Variants in PRR14L observed in about 807,000 individuals in gnomAD.
PRR14L encodes the protein proline rich 14 like.
A neutral mutation model predicts 155.0 loss-of-function variants in PRR14L; 80 were observed. The observed-to-expected ratio is 0.52, with a 90% CI of 0.43 to 0.62. The LOEUF is 0.62. PRR14L is among the 20% of genes least tolerant of loss of function. PRR14L has a pLI of 0.00. For synonymous variants in PRR14L, 883 were observed against 916.0 expected, an observed-to-expected ratio of 0.96 and a Z score of 0.65; for missense variants, 2,469 against 2,548.0, an observed-to-expected ratio of 0.97 and a Z score of 0.67.
intron 8 of PRR14L, among the ~76,000 whole-genome samples, chr22:31,687,949 G>A (rs577573662): frequency 1.1e-3 from 171 of 150,574 alleles, no homozygotes; most frequent in African/African-American, 3.9e-3. Context: ...GGAGAATGGC[G>A]TGAACCCAGG....
chr22:31,727,531 G>A (rs763637623), intron 2 of PRR14L, among the ~76,000 whole-genome samples: 2 of 151,822 alleles, frequency 1.3e-5, no homozygotes, highest in Non-Finnish European at 1.5e-5. Context: ...CACCATGCGC[G>A]GCTGATTAGC....
At position 31,715,107 on chromosome 22, in the gene PRR14L, G is replaced by T; in HGVS notation, c.2732C>A (p.Ser911Tyr). ...EGLEGKEQDV[S>Y]KETVFCKYNI... ...ATACTTACAAAATACAGTTTCTTTG[G>T]ATACATCCTGCTCCTTTCCTTCCAG... The change falls in exon 4 of 9, where the codon TCC becomes TAC. Residue 911 changes from serine to tyrosine, a missense_variant. By Grantham distance (144) the Ser-to-Tyr change is moderately radical (BLOSUM62 -2). This residue lies in a region of PRR14L where 2,363 missense variants were observed against 2,371.6 expected (regional missense o/e 1.00). Coordinates refer to ENST00000327423, the MANE Select transcript of PRR14L (RefSeq NM_173566.3). The T allele has an allele frequency of 6.4e-7, 1 of 1,551,736 alleles. No individual in the cohort carries two copies. Among genetic ancestry groups the T allele is most frequent in the Middle Eastern group, 1.7e-4 (1 of 5,994 alleles).
At chr22:31,725,709 C>T in intron 2 of PRR14L, 99 bp from the exon 3 acceptor site, 2 of 771,990 alleles carry the variant, frequency 2.6e-6, no homozygotes, top group Non-Finnish European at 4.2e-6. Context: ...TCTTGCTGTT[C>T]CCAGACTGAA....
In PRR14L at chr22:31,688,243, G is replaced by A. The variant is rs768530118; in HGVS notation, c.6108-16C>T. On this transcript the variant is annotated splice_polypyrimidine_tract_variant and intron_variant, in intron 7 of 8. Transcript: ENST00000327423. ...CTTCTTTAACCTGAAAAGAAATAAG[G>A]AAAAAAATTCTTCAGGTTCTCTCTC... The A allele has an allele frequency of 7.3e-5, 114 of 1,558,520 alleles. No homozygotes were observed. The highest frequency in any genetic ancestry group is 9.2e-5 in the Non-Finnish European group (106 of 1,157,092).
intron 3 of PRR14L, among the ~76,000 whole-genome samples, chr22:31,724,441 C>T (rs2074706500): frequency 6.6e-6 from 1 of 152,142 alleles, no homozygotes; most frequent in South Asian, 2.1e-4. Flanking sequence ...TGCTCTGTTG[C>T]CCAGGATGGA....
At chr22:31,721,710 T>C (rs2074691214) in intron 3 of PRR14L, among the ~76,000 whole-genome samples, 1 of 152,198 alleles carries the variant, frequency 6.6e-6, no homozygotes, top group African/African-American at 2.4e-5. Flanking sequence ...GGTTCTACCA[T>C]ACAGAAAAGA....
rs1375075859 is a variant in PRR14L at position 31,738,459 on chromosome 22, T to C, written c.402A>G (p.Glu134=). The C allele has an allele frequency of 1.4e-5, 21 of 1,552,090 alleles. No individual in the cohort carries two copies. The highest frequency in any genetic ancestry group is 1.8e-5 in the Non-Finnish European group (21 of 1,147,138). The change falls in exon 2 of 9, where the codon GAA becomes GAG. Residue 134 remains glutamate, a synonymous_variant. Coordinates refer to ENST00000327423, the MANE Select transcript of PRR14L (RefSeq NM_173566.3). ...DPGGQAGIIR[E]PSEGAKEDPH... ...GATCTTCCTTTGCTCCCTCAGAGGGTTCTCTTATAATTCCTGCCTGGCCCC... is the reference window on the plus strand; with the variant it reads ...GATCTTCCTTTGCTCCCTCAGAGGGCTCTCTTATAATTCCTGCCTGGCCCC...
At chr22:31,695,051 C>A (rs2074529128) in intron 7 of PRR14L, among the ~76,000 whole-genome samples, 1 of 152,076 alleles carries the variant, frequency 6.6e-6, no homozygotes, top group African/African-American at 2.4e-5. Flanking sequence ...GCACTGCACT[C>A]CAGCCTGGGT....
chr22:31,747,406 G>A (rs1051265458), intron 1 of PRR14L, among the ~76,000 whole-genome samples: 27 of 150,632 alleles, frequency 1.8e-4, no homozygotes, highest in Admixed American at 3.3e-4. Flanking sequence ...GAGCCACCGC[G>A]CCTGGCCTCT....
chr22:31,738,139 A>T (rs1713858048), intron 2 of PRR14L, among the ~76,000 whole-genome samples: 1 of 152,204 alleles, frequency 6.6e-6, no homozygotes, highest in African/African-American at 2.4e-5. Flanking sequence ...TGATTTTCAC[A>T]GACTCAACAT....
At chr22:31,737,186 A>G (rs138146263) in intron 2 of PRR14L, among the ~76,000 whole-genome samples, 197 of 152,146 alleles carry the variant, frequency 1.3e-3, no homozygotes, top group Non-Finnish European at 2.6e-3. Context: ...TCCTTTAAGA[A>G]TTTGGAGGGC....
rs1012607456 is a variant in PRR14L at position 31,700,146 on chromosome 22, T to A, written c.6107+1510A>T. Reference sequence around the variant, plus strand: ...TTTTCAATCTTTTGTTTTCCTTAAATATAATGCTAGATCACTCTATGATTT... The same window carrying A: ...TTTTCAATCTTTTGTTTTCCTTAAAAATAATGCTAGATCACTCTATGATTT... On this transcript the variant is annotated intron_variant, in intron 7 of 8. Coordinates refer to ENST00000327423, the MANE Select transcript of PRR14L (RefSeq NM_173566.3). 3.3e-5 allele frequency among the ~76,000 whole-genome samples: 5 copies of A among 152,182 alleles called. No individual in the cohort carries two copies. In the South Asian group the frequency reaches 8.3e-4, roughly 25 times the overall value.
intron 1 of PRR14L, among the ~76,000 whole-genome samples, chr22:31,743,284 A>G (rs866208007): frequency 3.2e-4 from 48 of 152,042 alleles, no homozygotes; most frequent in African/African-American, 1.1e-3. Context: ...ACTGGGAGAC[A>G]AAACCGAAAG....
At chr22:31,724,392 C>T (rs889469986) in intron 3 of PRR14L, among the ~76,000 whole-genome samples, 1 of 152,140 alleles carries the variant, frequency 6.6e-6, no homozygotes, top group Admixed American at 6.6e-5. Context: ...TTAGCGTATT[C>T]ACTTTATCTT....
chr22:31,691,787 C>T (rs993704080), intron 7 of PRR14L, among the ~76,000 whole-genome samples: 1 of 152,082 alleles, frequency 6.6e-6, no homozygotes. Context: ...AACTGAGGAA[C>T]ATTTGGTTTC....
At position 31,715,890 on chromosome 22, in the gene PRR14L, C is replaced by T; in HGVS notation, c.1949G>A (p.Cys650Tyr). ...AAGGGACACTTGTTGATTTAAAACA[C>T]ATTCACTTTCTACTTTGTTTACAAC... ...ELVVNKVESECVLNQQVSLNS... is the reference protein window; with the variant it reads ...ELVVNKVESEYVLNQQVSLNS... Residue 650 changes from cysteine (C) to tyrosine (Y), a missense_variant, in exon 4 of 9, where the codon TGT (cysteine) becomes TAT (tyrosine). Coordinates refer to ENST00000327423, the MANE Select transcript of PRR14L (RefSeq NM_173566.3). 1 of 1,551,532 alleles carries T rather than the reference C, an allele frequency of 6.4e-7. No homozygotes were observed. The highest frequency in any genetic ancestry group is 8.7e-7 in the Non-Finnish European group (1 of 1,146,812).
Position 31,715,223 on chromosome 22 carries a change from GATCTT to G in PRR14L, c.2611_2615del (p.Lys871GlnfsTer11). 1 of 1,552,234 alleles carries G rather than the reference GATCTT, an allele frequency of 6.4e-7. No individual in the cohort carries two copies. Among genetic ancestry groups the G allele is most frequent in the Non-Finnish European group, 8.7e-7 (1 of 1,147,112 alleles). ...ACAAGCCTGCTACCATTTTGTTTCT[GATCTT>G]ATCTCCTGGAAGGCTGCCATTCGTT... On this transcript the variant is annotated frameshift_variant, in exon 4 of 9. Transcript: ENST00000327423. LOFTEE classifies it high-confidence loss of function.
chr22:31,700,589 T>A (rs1206140364), intron 7 of PRR14L, among the ~76,000 whole-genome samples: 1 of 152,204 alleles, frequency 6.6e-6, no homozygotes, highest in Non-Finnish European at 1.5e-5. Flanking sequence ...GGAGTTTCAT[T>A]CTTGTTGCCC....
intron 3 of PRR14L, among the ~76,000 whole-genome samples, chr22:31,724,044 G>A (rs1048429654): frequency 2.0e-5 from 3 of 152,170 alleles, no homozygotes; most frequent in Admixed American, 2.0e-4. Context: ...TATTCTCATA[G>A]GAGCGTGGAC....
Sources: gnomAD v4.1 joint callset for allele counts (sites outside exome capture counted in the v4.1 genomes callset) on GRCh38, gnomAD v4.1.1 for gene constraint, gnomAD v4.1.1 regional missense constraint, MANE v1.5 for transcripts, NCBI Gene and HGNC (gene_info 2026-07-23, HGNC 2026-07-21) for gene names.